The following PPFIA1 variants were observed in gnomAD, a reference collection of about 807,000 sequenced individuals.
PPFIA1 encodes the protein PPFI scaffold protein A1, also known as liprin-alpha-1.
In PPFIA1, 25 loss-of-function variants were observed where a neutral mutation model predicts 149.9. That is an observed-to-expected ratio of 0.17 (90% CI 0.12 to 0.23). The LOEUF (loss-of-function observed/expected upper bound fraction) is 0.23, where lower values mean the gene tolerates loss of function less well. PPFIA1 is among the 10% of genes least tolerant of loss of function. The pLI is 1.00. For synonymous variants in PPFIA1, 549 were observed against 552.8 expected, an observed-to-expected ratio of 0.99 and a Z score of 0.10; for missense variants, 1,362 against 1,506.5, an observed-to-expected ratio of 0.90 and a Z score of 1.59.
chr11:70,277,918 G>A (rs1207914097), intron 2 of PPFIA1, among the ~76,000 whole-genome samples: 3 of 151,180 alleles, frequency 2.0e-5, no homozygotes, highest in South Asian at 2.1e-4. Flanking sequence ...GTTTTGTTTT[G>A]TTTTGTTTTT....
intron 2 of PPFIA1, among the ~76,000 whole-genome samples, chr11:70,283,326 C>G (rs1254037874): frequency 6.6e-6 from 1 of 152,148 alleles, no homozygotes; most frequent in Non-Finnish European, 1.5e-5. Context: ...TTGAAGAACT[C>G]TTTTGTGTGA....
chr11:70,348,442 G>A, intron 16 of PPFIA1, 22 bp downstream of exon 16: 2 of 1,548,758 alleles, frequency 1.3e-6, no homozygotes, highest in South Asian at 2.2e-5. Flanking sequence ...CCCTTTCCCT[G>A]CTGTGGCTGC....
chr11:70,324,982 T>C lies in PPFIA1; in HGVS notation c.502T>C (p.Phe168Leu). Residue 168 changes from phenylalanine to leucine, a missense_variant, in exon 4 of 28, where the codon TTT becomes CTT. Transcript: ENST00000253925. ...VEVLKALKSL[F>L]EHHKALDEKV... ...AGTGCTGAAAGCACTGAAGTCCTTA[T>C]TTGAACACCACAAAGCTCTGGATGA... 6.2e-7 allele frequency: 1 copy of C among 1,613,080 alleles called. No homozygotes were observed. The highest frequency in any genetic ancestry group is 8.5e-7 in the Non-Finnish European group (1 of 1,179,788).
intron 2 of PPFIA1, among the ~76,000 whole-genome samples, chr11:70,301,226 G>C (rs1169638713): frequency 6.6e-6 from 1 of 152,098 alleles, no homozygotes; most frequent in Non-Finnish European, 1.5e-5. Flanking sequence ...CTAACATAAA[G>C]TATCTACCAT....
intron 15 of PPFIA1, among the ~76,000 whole-genome samples, chr11:70,347,088 C>T (rs781451086): frequency 2.6e-5 from 4 of 152,124 alleles, no homozygotes; most frequent in South Asian, 2.1e-4. Flanking sequence ...TCAATATTTT[C>T]GTTTAGTCTA....
At chr11:70,365,725 C>G (rs559782185) in intron 21 of PPFIA1, 22 of 356,224 alleles carry the variant, frequency 6.2e-5, no homozygotes, top group African/African-American at 3.6e-4. Context: ...GTGGCCCTTT[C>G]TCCTTCCATG....
intron 16 of PPFIA1, among the ~76,000 whole-genome samples, chr11:70,353,896 A>G (rs2056210650): frequency 6.6e-6 from 1 of 152,218 alleles, no homozygotes; most frequent in African/African-American, 2.4e-5. Context: ...CGTATTTGTT[A>G]CTGGCTCTTC....
At chr11:70,318,808 G>T (rs1263852183) in intron 2 of PPFIA1, among the ~76,000 whole-genome samples, 2 of 152,162 alleles carry the variant, frequency 1.3e-5, no homozygotes, top group Non-Finnish European at 2.9e-5. Flanking sequence ...TCATCCTCCT[G>T]GAAATAAGGA....
chr11:70,314,790 A>G (rs1244176577), intron 2 of PPFIA1, among the ~76,000 whole-genome samples: 1 of 152,216 alleles, frequency 6.6e-6, no homozygotes, highest in Non-Finnish European at 1.5e-5. Context: ...AATAAATAAG[A>G]TATTGTATTA....
chr11:70,336,094 C>G (rs540776120), intron 11 of PPFIA1, among the ~76,000 whole-genome samples: 2 of 152,210 alleles, frequency 1.3e-5, no homozygotes, highest in Non-Finnish European at 2.9e-5. Flanking sequence ...CAATAAAATT[C>G]ATTTGTAGAA....
chr11:70,347,523 A>G (rs995881689), intron 15 of PPFIA1, among the ~76,000 whole-genome samples: 4 of 152,050 alleles, frequency 2.6e-5, no homozygotes, highest in Non-Finnish European at 5.9e-5. Context: ...GCAACATAGG[A>G]AGACCTTGTC....
intron 2 of PPFIA1, among the ~76,000 whole-genome samples, chr11:70,285,950 C>G (rs1000625312): frequency 6.6e-6 from 1 of 152,084 alleles, no homozygotes. Flanking sequence ...ACCAAACTTA[C>G]ATAGTTCGGT....
At chr11:70,358,619 C>T (rs76704765) in intron 19 of PPFIA1, 5 of 152,316 alleles carry the variant, frequency 3.3e-5, no homozygotes, top group East Asian at 3.9e-4. Context: ...TAAGAACGAA[C>T]GTATATTTCT....
At chr11:70,372,777 G>T (rs560845985) in intron 23 of PPFIA1, among the ~76,000 whole-genome samples, 1 of 152,338 alleles carries the variant, frequency 6.6e-6, no homozygotes, top group Non-Finnish European at 1.5e-5. Context: ...ACTGTTCCCT[G>T]TGTTCTCACA....
chr11:70,325,195 T>C, intron 4 of PPFIA1, 184 bp downstream of exon 4: 1 of 537,788 alleles, frequency 1.9e-6, no homozygotes, highest in Non-Finnish European at 3.0e-6. Flanking sequence ...ATTACTAATG[T>C]ATATTGATTT....
At chr11:70,335,273 C>T (rs1474211823) in intron 10 of PPFIA1, among the ~76,000 whole-genome samples, 3 of 152,342 alleles carry the variant, frequency 2.0e-5, no homozygotes, top group African/African-American at 7.2e-5. Flanking sequence ...TGCTATAAAT[C>T]TGCTCCTTAA....
intron 2 of PPFIA1, chr11:70,284,014 T>C (rs1174639500): frequency 1.9e-6 from 1 of 532,240 alleles, no homozygotes; most frequent in Non-Finnish European, 3.9e-6. Context: ...TGCTTTACTT[T>C]TAATGGCAAA....
At chr11:70,320,396 G>A (rs952585675) in intron 2 of PPFIA1, among the ~76,000 whole-genome samples, 1 of 152,022 alleles carries the variant, frequency 6.6e-6, no homozygotes, top group Non-Finnish European at 1.5e-5. Context: ...AGGGTAACAG[G>A]GACTAAAGTG....
intron 16 of PPFIA1, among the ~76,000 whole-genome samples, chr11:70,352,797 GGGAGGGCGGCGTGTGGAGGTGTC>G (rs2056147932): frequency 2.8e-5 from 4 of 140,772 alleles, no homozygotes; most frequent in African/African-American, 8.3e-5. Context: ...GTGGAGGGGT[GGGAGGGCGGCGTGTGGAGGTGTC>G]GGAGGGCGGC....
Sources: allele counts gnomAD v4.1 joint callset (sites outside exome capture counted in the v4.1 genomes callset), GRCh38; gene constraint gnomAD v4.1.1; transcripts MANE v1.5; gene names NCBI Gene and HGNC (gene_info 2026-07-23, HGNC 2026-07-21).